The following EPB41 variants were observed in gnomAD, a reference collection of about 807,000 sequenced individuals.
EPB41 encodes erythrocyte membrane protein band 4.1.
Under a neutral mutation model 108.0 loss-of-function variants are expected in EPB41, and 65 were observed. The observed-to-expected ratio is 0.60, with a 90% confidence interval of 0.49 to 0.74. The LOEUF is 0.74. Among genes scored for constraint, EPB41 ranks in the 30% least tolerant of loss-of-function variants. The probability of loss-of-function intolerance (pLI) is 0.00; values close to 1 mark genes in which losing one functional copy is unlikely to be tolerated. For synonymous variants in EPB41, 336 were observed against 358.9 expected (o/e 0.94, Z 0.72); for missense variants, 875 against 1,037.0 (o/e 0.84, Z 2.15).
chr1:28,937,643 T>C (rs2094101166), intron 1 of EPB41, among the ~76,000 whole-genome samples: 1 of 152,232 alleles, frequency 6.6e-6, no homozygotes, highest in Non-Finnish European at 1.5e-5. Context: ...TCTGCCCGCC[T>C]TGGCCTCCCA....
intron 7 of EPB41, among the ~76,000 whole-genome samples, chr1:29,024,532 C>T (rs1572648620): frequency 6.6e-6 from 1 of 151,838 alleles, no homozygotes; most frequent in East Asian, 1.9e-4. Context: ...ACTCCGGAGG[C>T]TGAGGCAGAG....
intron 17 of EPB41, among the ~76,000 whole-genome samples, chr1:29,105,427 G>A (rs1273361564): frequency 6.6e-6 from 1 of 151,612 alleles, no homozygotes. Flanking sequence ...TAGTAGAGAC[G>A]GGGTTTCACC....
In EPB41 at chr1:28,987,623, A is replaced by G; in HGVS notation, c.186A>G (p.Thr62=). The part of the protein sequence containing the change: ...KLKASNGDTP[T]HEDLTKNKER... ...AAGCTTCTAATGGAGACACTCCTAC[A>G]CATGAAGACTTGACCAAGAACAAGG... The change falls in exon 2 of 21, where the codon ACA becomes ACG. Residue 62 remains threonine (T), a synonymous_variant. Coordinates refer to ENST00000343067, the MANE Select transcript of EPB41 (RefSeq NM_001376013.1). 7 of 1,614,236 alleles carry G rather than the reference A, an allele frequency of 4.3e-6. No individual in the cohort carries two copies. The highest frequency in any genetic ancestry group is 5.9e-6 in the Non-Finnish European group (7 of 1,180,042).
intron 16 of EPB41, among the ~76,000 whole-genome samples, chr1:29,076,699 T>C (rs535454868): frequency 6.6e-6 from 1 of 152,350 alleles, no homozygotes; most frequent in East Asian, 1.9e-4. Flanking sequence ...GTGTTGTTAA[T>C]ACATCTCTTT....
At chr1:29,049,947 TA>T (rs1162905655) in intron 11 of EPB41, among the ~76,000 whole-genome samples, 1 of 152,162 alleles carries the variant, frequency 6.6e-6, no homozygotes, top group Non-Finnish European at 1.5e-5. Context: ...GTGAATATAC[TA>T]AAAAGCATTG....
intron 10 of EPB41, among the ~76,000 whole-genome samples, chr1:29,036,249 G>A (rs528603639): frequency 5.6e-5 from 8 of 142,136 alleles, no homozygotes; most frequent in African/African-American, 1.5e-4. Context: ...TTACCTCCAC[G>A]TGTGATTTTT....
chr1:28,912,594 T>C (rs1249792787), upstream of EPB41, among the ~76,000 whole-genome samples: 2 of 152,126 alleles, frequency 1.3e-5, no homozygotes, highest in Non-Finnish European at 2.9e-5. Context: ...CCTTTACATA[T>C]TTTAACTCAT....
At chr1:29,053,054 A>G (rs758513796) in intron 11 of EPB41, 50 bp from the exon 12 acceptor site, 3 of 1,594,908 alleles carry the variant, frequency 1.9e-6, no homozygotes, top group East Asian at 2.2e-5. Flanking sequence ...TTGAAATAAT[A>G]CAGTAGCTCT....
chr1:29,094,634 C>T (rs1382249046), intron 16 of EPB41, among the ~76,000 whole-genome samples: 2 of 152,194 alleles, frequency 1.3e-5, no homozygotes, highest in African/African-American at 4.8e-5. Flanking sequence ...TCCTGGTTAG[C>T]TGGCATTCCT....
At chr1:29,096,400 T>G in intron 16 of EPB41, 1 of 985,800 alleles carries the variant, frequency 1.0e-6, no homozygotes, top group Non-Finnish European at 1.2e-6. Flanking sequence ...GAGGCCCAAC[T>G]GGGGGATGTA....
chr1:29,035,177 G>A (rs918183662), intron 9 of EPB41, among the ~76,000 whole-genome samples: 1 of 151,708 alleles, frequency 6.6e-6, no homozygotes, highest in Non-Finnish European at 1.5e-5. Context: ...TAGAAATGAG[G>A]TTTCACCATG....
intron 8 of EPB41, among the ~76,000 whole-genome samples, chr1:29,030,703 G>A (rs970568394): frequency 2.6e-5 from 4 of 151,908 alleles, no homozygotes; most frequent in African/African-American, 9.7e-5. Context: ...TTGAGTCCAG[G>A]AGATCGAGCG....
intron 7 of EPB41, among the ~76,000 whole-genome samples, chr1:29,019,898 C>T (rs1262930462): frequency 1.3e-5 from 2 of 151,920 alleles, no homozygotes; most frequent in African/African-American, 4.8e-5. Flanking sequence ...TAAGAGTTAC[C>T]CATCTCTCTT....
intron 1 of EPB41, among the ~76,000 whole-genome samples, chr1:28,973,365 G>A (rs2095534758): frequency 6.6e-6 from 1 of 151,932 alleles, no homozygotes; most frequent in Non-Finnish European, 1.5e-5. Context: ...ATAATCCATT[G>A]TATAACTATT....
chr1:29,062,296 C>A (rs1159656326), intron 15 of EPB41, among the ~76,000 whole-genome samples: 2 of 152,200 alleles, frequency 1.3e-5, no homozygotes, highest in Non-Finnish European at 2.9e-5. Flanking sequence ...TTCAGTGCTT[C>A]CTCTTAACTG....
chr1:28,949,587 GTTAT>G (rs1002444507), intron 1 of EPB41, among the ~76,000 whole-genome samples: 9 of 151,478 alleles, frequency 5.9e-5, no homozygotes, highest in African/African-American at 1.5e-4. Flanking sequence ...TTTCCACTCT[GTTAT>G]TTATTTATTT....
rs1045507450 is a variant in EPB41 at position 29,018,629 on chromosome 1, G to A, written c.1124+187G>A. On this transcript the variant is annotated intron_variant, in intron 7 of 20. Coordinates refer to ENST00000343067, the MANE Select transcript of EPB41 (RefSeq NM_001376013.1). This position sits in a 1 kb window ranked among gnomAD's most constrained non-coding sequence, Gnocchi z 4.4. ...CTAAGCTTTCTCATCAGAGTAATAG[G>A]CATTGCATTGTAGGGTGAAAACTAA... Among the ~76,000 whole-genome samples, 34 of 152,120 alleles carry A rather than the reference G, an allele frequency of 2.2e-4. No homozygotes were observed. Among genetic ancestry groups the A allele is most frequent in the African/African-American group, 7.7e-4 (32 of 41,408 alleles).
intron 1 of EPB41, among the ~76,000 whole-genome samples, chr1:28,980,415 A>G (rs1208069310): frequency 6.6e-6 from 1 of 152,106 alleles, no homozygotes; most frequent in Non-Finnish European, 1.5e-5. Flanking sequence ...GTTGAGAAAA[A>G]AAATAAAGTG....
intron 4 of EPB41, among the ~76,000 whole-genome samples, chr1:29,009,006 C>T (rs1037751279): frequency 6.6e-6 from 1 of 152,208 alleles, no homozygotes; most frequent in Non-Finnish European, 1.5e-5. Flanking sequence ...TCAGAATACC[C>T]TATGCTCTAT....
Sources: gnomAD v4.1 joint callset for allele counts (sites outside exome capture counted in the v4.1 genomes callset) on GRCh38, gnomAD v4.1.1 for gene constraint, Gnocchi (gnomAD v3.1) non-coding constraint, MANE v1.5 for transcripts, NCBI Gene and HGNC (gene_info 2026-07-23, HGNC 2026-07-21) for gene names.